PEMT: variants seen among roughly 807,000 people sequenced by gnomAD.
PEMT encodes the protein phospholipid methyltransferase.
In PEMT, 23 loss-of-function variants were observed where a neutral mutation model predicts 27.4. That is an observed-to-expected ratio of 0.84 (90% CI 0.60 to 1.19). PEMT has a LOEUF of 1.19. PEMT is among the 50% of genes most tolerant of loss of function. The pLI is 0.00. For synonymous variants in PEMT, 137 were observed against 139.1 expected (o/e 0.98, Z 0.11); for missense variants, 307 against 310.1 (o/e 0.99, Z 0.07).
rs1280510770 is a variant in PEMT at position 17,506,283 on chromosome 17, G to C, written c.597C>G (p.Gly199=). The change falls in exon 6 of 7, where the codon GGC becomes GGG. Residue 199 remains glycine (G), a synonymous_variant. Transcript: ENST00000255389. ...GWAIMHASPT[G]LLLTVLVALT... is the part of the protein sequence containing the mutation. ...GGGCCACCAGCACCGTCAGGAGCAG[G>C]CCCGTGGGGCTGGCGTGCCTGAAAG... 6.3e-7 allele frequency: 1 copy of C among 1,583,236 alleles called. No individual in the cohort carries two copies. The highest frequency in any genetic ancestry group is 8.6e-7 in the Non-Finnish European group (1 of 1,164,000).
intron 2 of PEMT, among the ~76,000 whole-genome samples, chr17:17,557,924 G>A (rs2142677569): frequency 6.6e-6 from 1 of 152,348 alleles, no homozygotes; most frequent in Middle Eastern, 3.4e-3. Context: ...GAGGGCCAGG[G>A]ACTAGCTAGG....
At chr17:17,510,875 C>T (rs1396135995) in intron 4 of PEMT, among the ~76,000 whole-genome samples, 1 of 152,174 alleles carries the variant, frequency 6.6e-6, no homozygotes, top group Non-Finnish European at 1.5e-5. Context: ...CACTGGAGGG[C>T]CCCCGCCGCT....
chr17:17,526,306 G>T (rs1907657497), intron 2 of PEMT, among the ~76,000 whole-genome samples: 1 of 152,160 alleles, frequency 6.6e-6, no homozygotes, highest in Non-Finnish European at 1.5e-5. Context: ...CAGGAATGGG[G>T]TCGAGACCCA....
chr17:17,571,204 G>A (rs983969771), intron 2 of PEMT, among the ~76,000 whole-genome samples: 1 of 151,738 alleles, frequency 6.6e-6, no homozygotes, highest in Non-Finnish European at 1.5e-5. Flanking sequence ...CACAGTGCCT[G>A]GTGCATGGCA....
chr17:17,571,249 TCA>T (rs1911175446), intron 2 of PEMT, among the ~76,000 whole-genome samples: 2 of 151,638 alleles, frequency 1.3e-5, no homozygotes, highest in Non-Finnish European at 2.9e-5. Flanking sequence ...CAAATGAACA[TCA>T]GGTGGAGGAA....
At chr17:17,583,024 T>C (rs1484034127) in intron 1 of PEMT, among the ~76,000 whole-genome samples, 1 of 149,896 alleles carries the variant, frequency 6.7e-6, no homozygotes, top group Admixed American at 6.7e-5. Flanking sequence ...ATCATGCCAC[T>C]GCACTCCAGC....
At chr17:17,591,182 TCA>T (rs1363084543) in intron 1 of PEMT, among the ~76,000 whole-genome samples, 1 of 152,188 alleles carries the variant, frequency 6.6e-6, no homozygotes, top group East Asian at 1.9e-4. Flanking sequence ...CGGCACACTC[TCA>T]GAGCATCACA....
At chr17:17,592,057 C>CGGACTT, upstream of PEMT, 1 of 985,466 alleles carries the variant, frequency 1.0e-6, no homozygotes, top group Non-Finnish European at 1.2e-6. Context: ...CAGCCTCCTG[C>CGGACTT]GGACTTGGAC....
At chr17:17,529,125 G>GC (rs1313431084) in intron 2 of PEMT, among the ~76,000 whole-genome samples, 1 of 152,198 alleles carries the variant, frequency 6.6e-6, no homozygotes, top group Non-Finnish European at 1.5e-5. Context: ...GGGCCAGCAA[G>GC]CAAGTGCATA....
chr17:17,568,009 T>C (rs569782123), intron 2 of PEMT, among the ~76,000 whole-genome samples: 47 of 151,964 alleles, frequency 3.1e-4, no homozygotes, highest in Admixed American at 5.9e-4. Context: ...CATGCCCCCA[T>C]CCTAACTTCT....
intron 2 of PEMT, among the ~76,000 whole-genome samples, chr17:17,527,026 G>A (rs539878138): frequency 6.6e-6 from 1 of 152,088 alleles, no homozygotes; most frequent in African/African-American, 2.4e-5. Context: ...GCCGCAGAAA[G>A]TCGAGTTTTT....
intron 2 of PEMT, among the ~76,000 whole-genome samples, chr17:17,559,722 G>C (rs1056894827): frequency 6.6e-6 from 1 of 152,248 alleles, no homozygotes; most frequent in East Asian, 1.9e-4. Flanking sequence ...GCACAGAGGG[G>C]AGCCCGAGAA....
chr17:17,591,752 G>C, upstream of PEMT: 1 of 1,454,956 alleles, frequency 6.9e-7, no homozygotes, highest in Non-Finnish European at 9.1e-7. Flanking sequence ...AACATATTCC[G>C]GCCTTCTGGG....
At position 17,512,557 on chromosome 17, in the gene PEMT, G is replaced by A; in HGVS notation, c.418C>T (p.Leu140Phe). The change falls in exon 4 of 7, where the codon CTC (leucine) becomes TTC (phenylalanine). Residue 140 changes from leucine (L) to phenylalanine (F), a missense_variant. Coordinates refer to ENST00000255389, the MANE Select transcript of PEMT (RefSeq NM_148172.3). This position sits in a 1 kb window ranked among gnomAD's most constrained non-coding sequence, Gnocchi z 6.3. ...GLALLGLGVVLVLSSFFALGF... is the reference protein window; with the variant it reads ...GLALLGLGVVFVLSSFFALGF... ...AGTGCAAAGAAGCTGGAGAGCACGA[G>A]CACGACGCCCAGTCCCAGGAGCGCG... is the stretch of plus-strand genomic sequence containing the variant. 1 of 1,609,020 alleles carries A rather than the reference G, an allele frequency of 6.2e-7. No individual in the cohort carries two copies. Among genetic ancestry groups the A allele is most frequent in the Non-Finnish European group, 8.5e-7 (1 of 1,177,652 alleles).
chr17:17,534,285 G>T (rs980336011), intron 2 of PEMT, among the ~76,000 whole-genome samples: 7 of 152,242 alleles, frequency 4.6e-5, no homozygotes, highest in African/African-American at 7.2e-5. Context: ...ACCAGTCCAT[G>T]CAAGAGCATC....
intron 1 of PEMT, 138 bp downstream of exon 1, chr17:17,591,393 C>G: frequency 2.8e-6 from 2 of 722,350 alleles, no homozygotes; most frequent in Non-Finnish European, 4.5e-6. Flanking sequence ...GGCTCCCCCA[C>G]CCCCGCCACG....
intron 2 of PEMT, among the ~76,000 whole-genome samples, chr17:17,532,472 G>A (rs1055989540): frequency 1.3e-5 from 2 of 152,104 alleles, no homozygotes; most frequent in Non-Finnish European, 2.9e-5. Context: ...TATAACAAAA[G>A]TACAAAACTT....
chr17:17,576,725 A>G (rs529219650), intron 2 of PEMT, among the ~76,000 whole-genome samples, 195 bp downstream of exon 2: 8 of 152,266 alleles, frequency 5.3e-5, no homozygotes, highest in Non-Finnish European at 1.0e-4. Flanking sequence ...GGGCAGCCCA[A>G]TGGCTGCTGG....
intron 2 of PEMT, chr17:17,571,014 C>T: frequency 1.7e-6 from 1 of 603,556 alleles, no homozygotes; most frequent in Non-Finnish European, 2.1e-6. Flanking sequence ...GTGCCTGGAC[C>T]CAAGGTCCTG....
Sources: gnomAD v4.1 joint callset for allele counts (sites outside exome capture counted in the v4.1 genomes callset) on GRCh38, gnomAD v4.1.1 for gene constraint, Gnocchi (gnomAD v3.1) non-coding constraint, MANE v1.5 for transcripts, NCBI Gene and HGNC (gene_info 2026-07-23, HGNC 2026-07-21) for gene names.